The following VPS26A variants were observed in gnomAD, a reference collection of about 807,000 sequenced individuals.
The protein encoded by VPS26A is vacuolar protein sorting-associated protein 26A.
VPS26A carries 22 observed loss-of-function variants against 42.4 expected under a neutral mutation model. The ratio of observed to expected loss-of-function variants is 0.52; its 90% CI spans 0.37 to 0.74. VPS26A has a LOEUF of 0.74. VPS26A is among the 30% of genes least tolerant of loss of function. VPS26A has a pLI of 0.00. For missense variants in VPS26A, 276 were observed against 379.2 expected (o/e 0.73, Z 2.26); for synonymous variants, 110 against 123.5 (o/e 0.89, Z 0.73).
At chr10:69,163,926 C>T (rs995606700) in intron 6 of VPS26A, among the ~76,000 whole-genome samples, 11 of 151,072 alleles carry the variant, frequency 7.3e-5, no homozygotes, top group Admixed American at 2.6e-4. Flanking sequence ...CCATCACGCC[C>T]GGCTAATTTT....
chr10:69,159,197 A>G (rs986405173), intron 5 of VPS26A, among the ~76,000 whole-genome samples: 1 of 152,126 alleles, frequency 6.6e-6, no homozygotes. Flanking sequence ...CATGGTCAAC[A>G]TGGAGAAACT....
Position 69,172,685 on chromosome 10 carries a change from G to A in VPS26A, c.*1416G>A, listed in dbSNP as rs1841844089. On this transcript the variant is annotated 3_prime_UTR_variant, in exon 9 of 9. Coordinates refer to ENST00000263559, the MANE Select transcript of VPS26A (RefSeq NM_004896.5). Reference sequence around the variant, plus strand: ...CATGTGGATATCTATGAATGGTAATGTTTTCCTTCATGTAAGTGCCTATTC... The same window carrying A: ...CATGTGGATATCTATGAATGGTAATATTTTCCTTCATGTAAGTGCCTATTC... 1.3e-5 allele frequency: 2 copies of A among 152,616 alleles called. No individual in the cohort carries two copies. The highest frequency in any genetic ancestry group is 2.9e-5 in the Non-Finnish European group (2 of 68,032). 9.5% of individuals were successfully genotyped at this position (152,616 alleles called of 1,614,324 possible).
chr10:69,142,802 G>A (rs1266175836), intron 2 of VPS26A, among the ~76,000 whole-genome samples: 6 of 150,402 alleles, frequency 4.0e-5, no homozygotes, highest in African/African-American at 1.5e-4. Context: ...CAGAATGAAA[G>A]CTTTGTTATG....
At chr10:69,149,430 C>A (rs576749636) in intron 2 of VPS26A, among the ~76,000 whole-genome samples, 3 of 152,208 alleles carry the variant, frequency 2.0e-5, no homozygotes, top group South Asian at 2.1e-4. Flanking sequence ...GAGGAATGTT[C>A]TAGATTAAAA....
intron 1 of VPS26A, among the ~76,000 whole-genome samples, chr10:69,130,108 C>A (rs751190743): frequency 1.3e-5 from 2 of 151,524 alleles, no homozygotes; most frequent in Non-Finnish European, 2.9e-5. Context: ...TTGACTATTC[C>A]AGATTTCAGT....
intron 5 of VPS26A, among the ~76,000 whole-genome samples, chr10:69,160,198 C>T (rs1411239156): frequency 2.0e-5 from 3 of 152,156 alleles, no homozygotes; most frequent in Non-Finnish European, 4.4e-5. Flanking sequence ...CTCACTTTGT[C>T]GCCCAGGCTG....
chr10:69,127,414 G>A (rs1840681761), intron 1 of VPS26A, among the ~76,000 whole-genome samples: 2 of 151,634 alleles, frequency 1.3e-5, no homozygotes, highest in East Asian at 2.0e-4. Flanking sequence ...TTAGCCAGGC[G>A]CGGTGGCGGG....
At chr10:69,163,570 T>A (rs1323908109) in intron 6 of VPS26A, among the ~76,000 whole-genome samples, 1 of 152,202 alleles carries the variant, frequency 6.6e-6, no homozygotes, top group African/African-American at 2.4e-5. Context: ...ATTTGATGGG[T>A]AAGGGGGAGA....
intron 2 of VPS26A, among the ~76,000 whole-genome samples, chr10:69,134,723 G>C (rs1840865273): frequency 6.6e-6 from 1 of 151,260 alleles, no homozygotes; most frequent in African/African-American, 2.4e-5. Flanking sequence ...TACCTACTGG[G>C]GTCTTAGTGT....
chr10:69,150,419 T>C (rs556796549), intron 2 of VPS26A, among the ~76,000 whole-genome samples: 1 of 150,416 alleles, frequency 6.6e-6, no homozygotes, highest in South Asian at 2.1e-4. Flanking sequence ...TTCTTTTCTT[T>C]TTTGAGATGG....
chr10:69,135,821 T>C (rs1407699884), intron 2 of VPS26A, among the ~76,000 whole-genome samples: 1 of 152,184 alleles, frequency 6.6e-6, no homozygotes, highest in Non-Finnish European at 1.5e-5. Context: ...TAAATTATTA[T>C]AAGGCATATT....
intron 2 of VPS26A, among the ~76,000 whole-genome samples, chr10:69,145,964 T>C (rs1841152024): frequency 1.3e-5 from 2 of 152,200 alleles, no homozygotes; most frequent in Admixed American, 1.3e-4. Context: ...TCTGGACATT[T>C]CATATAAATG....
chr10:69,133,062 T>G lies in VPS26A; in HGVS notation c.153+15T>G. ...TTTCAGGAAAGGTAAATCTTCTGTT[T>G]GACAAAACTATCTAATTGTAAGATA... On this transcript the variant is annotated intron_variant, in intron 2 of 8. Coordinates refer to ENST00000263559, the MANE Select transcript of VPS26A (RefSeq NM_004896.5). 1 of 1,603,718 alleles carries G rather than the reference T, an allele frequency of 6.2e-7. No individual in the cohort carries two copies. Among genetic ancestry groups the G allele is most frequent in the Non-Finnish European group, 8.5e-7 (1 of 1,177,124 alleles).
Position 69,172,487 on chromosome 10 carries a change from T to A in VPS26A, c.*1218T>A, listed in dbSNP as rs1246410451. On this transcript the variant is annotated 3_prime_UTR_variant, in exon 9 of 9. Coordinates refer to ENST00000263559, the MANE Select transcript of VPS26A (RefSeq NM_004896.5). ...TTGGTTTTTGTACCAATATTTTTTA[T>A]GCACTTCAGTGCAAGTCTTGTCAGT... is the stretch of plus-strand genomic sequence containing the variant. 1 of 152,656 alleles carries A rather than the reference T, an allele frequency of 6.6e-6. No individual in the cohort carries two copies. Among genetic ancestry groups the A allele is most frequent in the East Asian group, 1.9e-4 (1 of 5,206 alleles). 9.5% of individuals were successfully genotyped at this position (152,656 alleles called of 1,614,324 possible).
At chr10:69,145,804 T>G (rs901979273) in intron 2 of VPS26A, among the ~76,000 whole-genome samples, 1 of 152,132 alleles carries the variant, frequency 6.6e-6, no homozygotes, top group African/African-American at 2.4e-5. Context: ...ATAGTGATTT[T>G]TACTATATTT....
chr10:69,129,435 T>G (rs944858618), intron 1 of VPS26A, among the ~76,000 whole-genome samples: 3 of 152,290 alleles, frequency 2.0e-5, no homozygotes, highest in African/African-American at 7.2e-5. Context: ...TTCATTCTCT[T>G]TTTTCTAAAT....
intron 6 of VPS26A, among the ~76,000 whole-genome samples, chr10:69,163,625 TC>T (rs1378452516): frequency 6.6e-6 from 1 of 152,174 alleles, no homozygotes; most frequent in East Asian, 1.9e-4. Context: ...GGATTCTTTT[TC>T]CCCCACTGCT....
chr10:69,172,629 T>C lies in VPS26A; in HGVS notation c.*1360T>C, dbSNP rs1424695326. On this transcript the variant is annotated 3_prime_UTR_variant, in exon 9 of 9. Transcript: ENST00000263559. ...CCAACTTTACTGGCAAAAGGGTCCA[T>C]GTACCACCATGTGCTGGAGCATCTG... The C allele has an allele frequency of 2.6e-5, 4 of 151,404 alleles. No individual in the cohort carries two copies. The highest frequency in any genetic ancestry group is 9.9e-5 in the African/African-American group (4 of 40,246). 9.4% of individuals were successfully genotyped at this position (151,404 alleles called of 1,614,324 possible).
intron 4 of VPS26A, among the ~76,000 whole-genome samples, 173 bp downstream of exon 4, chr10:69,157,336 A>G (rs1423661330): frequency 1.3e-5 from 2 of 152,178 alleles, no homozygotes; most frequent in Non-Finnish European, 2.9e-5. Context: ...GCGTTCTAAC[A>G]TTATAGAGTT....
Sources: allele counts gnomAD v4.1 joint callset (sites outside exome capture counted in the v4.1 genomes callset), GRCh38; gene constraint gnomAD v4.1.1; transcripts MANE v1.5; gene names NCBI Gene and HGNC (gene_info 2026-07-23, HGNC 2026-07-21).